The following HNRNPA3 variants were observed in gnomAD, a reference collection of about 807,000 sequenced individuals.
HNRNPA3 encodes the protein heterogeneous nuclear ribonucleoprotein A3.
HNRNPA3 carries 3 observed loss-of-function variants against 45.8 expected under a neutral mutation model. The ratio of observed to expected loss-of-function variants is 0.07; its 90% confidence interval spans 0.03 to 0.17. The LOEUF (loss-of-function observed/expected upper bound fraction) is 0.17. HNRNPA3 is among the 10% of genes least tolerant of loss of function. HNRNPA3 has a pLI of 1.00. For missense variants in HNRNPA3, 183 were observed against 480.3 expected, an observed-to-expected ratio of 0.38 and a Z score of 5.79; for synonymous variants, 170 against 155.6, an observed-to-expected ratio of 1.09 and a Z score of -0.69.
rs771903368 is a variant in HNRNPA3 at position 177,215,962 on chromosome 2, ATTACT to A, written c.343-12_343-8del. 6.2e-7 allele frequency: 1 copy of A among 1,600,650 alleles called. No individual in the cohort carries two copies. Among genetic ancestry groups the A allele is most frequent in the East Asian group, 2.2e-5 (1 of 44,830 alleles). On this transcript the variant is annotated splice_polypyrimidine_tract_variant and intron_variant, in intron 3 of 10. Coordinates refer to ENST00000392524, the Ensembl canonical transcript of HNRNPA3. ...GAAAGTTTGTTTCTTGACTTAATAT[ATTACT>A]TTATTTGTAGGATTCTGTAAAGCCT...
chr2:177,215,220 G>A (rs982236081), intron 1 of HNRNPA3, among the ~76,000 whole-genome samples: 3 of 151,994 alleles, frequency 2.0e-5, no homozygotes, highest in Admixed American at 6.6e-5. Flanking sequence ...TTCCTTTCTC[G>A]AGTAGCTGGG....
rs1689087023 is a variant in HNRNPA3, at chr2:177,219,230, A to G, written c.1085-17A>G. 2 of 1,612,774 alleles carry G rather than the reference A, an allele frequency of 1.2e-6. No homozygotes were observed. The highest frequency in any genetic ancestry group is 1.7e-5 in the Admixed American group (1 of 59,764). On this transcript the variant is annotated splice_polypyrimidine_tract_variant and intron_variant, in intron 9 of 10. Transcript: ENST00000392524. The stretch of plus-strand genomic sequence containing the variant: ...AAAATGTGCATACTTCTTTTAAAAT[A>G]CTATGTATATTTTCAGGTGGTTATG...
In HNRNPA3 at chr2:177,216,664, C is replaced by T. The variant is rs373138258; in HGVS notation, c.644-12C>T. On this transcript the variant is annotated splice_polypyrimidine_tract_variant and intron_variant, in intron 5 of 10. Transcript: ENST00000392524. ...GTAAGGTTCTTAAAAATCTCCCTTGCCTGTATTAAAGGTCGTGGAGGTGGA... is the reference window on the plus strand; with the variant it reads ...GTAAGGTTCTTAAAAATCTCCCTTGTCTGTATTAAAGGTCGTGGAGGTGGA... 2 of 1,613,602 alleles carry T rather than the reference C, an allele frequency of 1.2e-6. No homozygotes were observed. The highest frequency in any genetic ancestry group is 3.3e-5 in the Admixed American group (2 of 59,954).
At chr2:177,215,688 T>C (rs747458332) in intron 2 of HNRNPA3, 27 bp downstream of exon 2, 26 of 1,613,624 alleles carry the variant, frequency 1.6e-5, no homozygotes, top group Non-Finnish European at 2.1e-5. Context: ...ACAGAAGGGT[T>C]CTAAGGGGTG....
At chr2:177,222,812 G>A (rs1689240917), downstream of HNRNPA3, 1 of 152,636 alleles carries the variant, frequency 6.6e-6, no homozygotes, top group South Asian at 2.1e-4. Context: ...CATGGGTAAA[G>A]GTTGGTCTTC....
intron 8 of HNRNPA3, 90 bp downstream of exon 8, chr2:177,217,935 T>A: frequency 1.6e-6 from 2 of 1,274,158 alleles, no homozygotes; most frequent in Non-Finnish European, 2.1e-6. Flanking sequence ...TAAAAGCGTT[T>A]GATCAAATTT....
chr2:177,214,960 A>T (rs1268398543), intron 1 of HNRNPA3, among the ~76,000 whole-genome samples: 1 of 152,232 alleles, frequency 6.6e-6, no homozygotes, highest in Non-Finnish European at 1.5e-5. Context: ...CTTTTAAAAA[A>T]TGAAGCGATT....
At position 177,216,859 on chromosome 2, in the gene HNRNPA3, G is replaced by T. The variant is rs1688963187; in HGVS notation, c.740-1G>T. On this transcript the variant is annotated splice_acceptor_variant, in intron 6 of 10. Transcript: ENST00000392524. LOFTEE classifies it high-confidence loss of function. ...TTAATTCATTTCTTGTTTTTCCTCA[G>T]GAGGCTATGGTGGTGGAGGTGGTGG... The T allele has an allele frequency of 6.2e-7, 1 of 1,612,032 alleles. No homozygotes were observed. The highest frequency in any genetic ancestry group is 1.3e-5 in the African/African-American group (1 of 74,690).
chr2:177,215,217 C>G (rs1309575774), intron 1 of HNRNPA3, among the ~76,000 whole-genome samples: 1 of 152,190 alleles, frequency 6.6e-6, no homozygotes, highest in East Asian at 1.9e-4. Flanking sequence ...ATTTTCCTTT[C>G]TCGAGTAGCT....
At position 177,216,942 on chromosome 2, in the gene HNRNPA3, T is replaced by C; in HGVS notation, c.820+2T>C. ...GATATAATGGATTTGGAGGTGATGGTAGGTGGCTTATTTTCATTGATGTTT... is the reference window on the plus strand; with the variant it reads ...GATATAATGGATTTGGAGGTGATGGCAGGTGGCTTATTTTCATTGATGTTT... On this transcript the variant is annotated splice_donor_variant, in intron 7 of 10. Transcript: ENST00000392524. LOFTEE classifies it high-confidence loss of function. The C allele has an allele frequency of 6.6e-7, 1 of 1,525,686 alleles. No individual in the cohort carries two copies. The highest frequency in any genetic ancestry group is 8.8e-7 in the Non-Finnish European group (1 of 1,132,884). The allele number at this position is 1,525,686 out of a possible 1,614,324, so 94.5% of individuals were successfully genotyped here. A position where few individuals can be genotyped will look rare whatever the true frequency, so the allele number is the denominator to read the frequency against.
Position 177,215,536 on chromosome 2 carries a change from C to A in HNRNPA3, c.73-3C>A, listed in dbSNP as rs776866632. 1.1e-5 allele frequency: 17 copies of A among 1,613,674 alleles called. No individual in the cohort carries two copies. The highest frequency in any genetic ancestry group is 4.0e-5 in the African/African-American group (3 of 74,902). ...ACTTAAGAGTATTGGTTCTTTCTCT[C>A]AGGGCCATGATCCAAAGGAACCAGA... On this transcript the variant is annotated splice_region_variant and splice_polypyrimidine_tract_variant and intron_variant, in intron 1 of 10. Coordinates refer to ENST00000392524, the Ensembl canonical transcript of HNRNPA3.
chr2:177,215,431 C>A (rs1574239679), intron 1 of HNRNPA3, 108 bp from the exon 2 acceptor site: 1 of 1,151,406 alleles, frequency 8.7e-7, no homozygotes, highest in Non-Finnish European at 1.3e-6. Context: ...TGTTAACTGT[C>A]ACAGGAATTT....
intron 8 of HNRNPA3, 129 bp downstream of exon 8, chr2:177,217,974 G>T (rs1463264111): frequency 1.0e-6 from 1 of 962,996 alleles, no homozygotes; most frequent in Non-Finnish European, 1.4e-6. Flanking sequence ...TACTAAAATG[G>T]TTGGTAGTTC....
At chr2:177,218,747 C>T (rs929900327) in intron 8 of HNRNPA3, among the ~76,000 whole-genome samples, 4 of 152,048 alleles carry the variant, frequency 2.6e-5, no homozygotes, top group African/African-American at 7.2e-5. Context: ...AGTTAGAATG[C>T]CTTCTCATTG....
Position 177,215,940 on chromosome 2 carries a change from AGTTT to A in HNRNPA3, c.343-33_343-30del, listed in dbSNP as rs773113826. On this transcript the variant is annotated intron_variant, in intron 3 of 10. Transcript: ENST00000392524. ...GTGTAATATGTGAAATTGTTGTGAAAGTTTGTTTCTTGACTTAATATATTACTTT... is the reference window on the plus strand; with the variant it reads ...GTGTAATATGTGAAATTGTTGTGAAAGTTTCTTGACTTAATATATTACTTT... 5.0e-6 allele frequency: 8 copies of A among 1,596,536 alleles called. No homozygotes were observed. The East Asian group carries it at 1.3e-4, about 27-fold the overall frequency.
In HNRNPA3 at chr2:177,219,393, T is replaced by C; in HGVS notation, c.*16-15T>C. On this transcript the variant is annotated splice_polypyrimidine_tract_variant and intron_variant, in intron 10 of 10. Coordinates refer to ENST00000392524, the Ensembl canonical transcript of HNRNPA3. ...ACTGAGTGTAATAATTTTTTTATCC[T>C]GTATTATTCAACAGGCTACAGTTCT... The C allele has an allele frequency of 1.8e-6, 2 of 1,099,576 alleles. No individual in the cohort carries two copies. Among genetic ancestry groups the C allele is most frequent in the Non-Finnish European group, 2.6e-6 (2 of 755,578 alleles). 68.1% of individuals were successfully genotyped at this position (1,099,576 alleles called of 1,614,324 possible). A position where few individuals can be genotyped will look rare whatever the true frequency, so the allele number is the denominator to read the frequency against.
chr2:177,220,033 A>T (rs1689123095), exon 11 of HNRNPA3: 1 of 152,612 alleles, frequency 6.6e-6, no homozygotes, highest in Non-Finnish European at 1.5e-5. Flanking sequence ...TGTGTTTGCA[A>T]TGTGTGTTTT....
At chr2:177,222,727 G>A (rs929323195), downstream of HNRNPA3, 5 of 152,532 alleles carry the variant, frequency 3.3e-5, no homozygotes, top group African/African-American at 1.2e-4. Flanking sequence ...GGCAGTCGAG[G>A]CTGCAGTGAG....
intron 1 of HNRNPA3, among the ~76,000 whole-genome samples, chr2:177,214,869 A>G (rs573238975): frequency 1.3e-5 from 2 of 152,338 alleles, no homozygotes; most frequent in South Asian, 4.1e-4. Context: ...GATAGATGCA[A>G]CACTGCTTCT....
Sources: allele counts gnomAD v4.1 joint callset (sites outside exome capture counted in the v4.1 genomes callset), GRCh38; gene constraint gnomAD v4.1.1; transcripts MANE v1.5; gene names NCBI Gene and HGNC (gene_info 2026-07-23, HGNC 2026-07-21).